Variants in OPCML observed in about 807,000 individuals in gnomAD.
OPCML encodes the protein opioid binding protein/cell adhesion molecule like, also known as opioid-binding protein/cell adhesion molecule.
In OPCML, 13 loss-of-function variants were observed where a neutral mutation model predicts 37.8. The observed-to-expected ratio is 0.34, with a 90% CI of 0.22 to 0.55. The LOEUF (loss-of-function observed/expected upper bound fraction) is 0.55, where lower values mean the gene tolerates loss of function less well. Ranked by LOEUF, OPCML falls within the 20% of genes least tolerant of loss-of-function variation. The probability of loss-of-function intolerance (pLI) is 0.91; values close to 1 mark genes in which losing one functional copy is unlikely to be tolerated. For synonymous variants in OPCML, 176 were observed against 168.8 expected (o/e 1.04, Z -0.33); for missense variants, 341 against 435.6 (o/e 0.78, Z 1.93).
chr11:132,443,207 C>T (rs1050237243), intron 4 of OPCML, among the ~76,000 whole-genome samples: 9 of 152,010 alleles, frequency 5.9e-5, no homozygotes, highest in Non-Finnish European at 1.0e-4. Flanking sequence ...GCTTGTGCCA[C>T]CAAGGAAAAG....
intron 1 of OPCML, among the ~76,000 whole-genome samples, chr11:133,080,813 C>T (rs1000717750): frequency 6.6e-6 from 1 of 152,112 alleles, no homozygotes; most frequent in Non-Finnish European, 1.5e-5. Flanking sequence ...TGTTTGTTCA[C>T]CTCTTCATTC....
At chr11:132,706,114 T>C (rs1361257148) in intron 2 of OPCML, among the ~76,000 whole-genome samples, 3 of 152,108 alleles carry the variant, frequency 2.0e-5, no homozygotes, top group African/African-American at 7.2e-5. Context: ...CCATCATGTA[T>C]TTATTTATAG....
chr11:133,086,541 T>C (rs1351528504), intron 1 of OPCML, among the ~76,000 whole-genome samples: 1 of 152,178 alleles, frequency 6.6e-6, no homozygotes, highest in Non-Finnish European at 1.5e-5. Context: ...ATAAATGAAA[T>C]AGTTGGCAGA....
intron 1 of OPCML, among the ~76,000 whole-genome samples, chr11:133,413,425 A>T (rs2136873073): frequency 1.3e-5 from 2 of 152,100 alleles, no homozygotes; most frequent in African/African-American, 4.8e-5. Context: ...ACATGTATAC[A>T]TATGTAACTA....
chr11:133,144,680 A>G (rs1022857466), intron 1 of OPCML, among the ~76,000 whole-genome samples: 14 of 152,226 alleles, frequency 9.2e-5, no homozygotes, highest in Admixed American at 8.5e-4. Flanking sequence ...TTGTATATCC[A>G]TCCTTATCTT....
intron 1 of OPCML, among the ~76,000 whole-genome samples, chr11:133,334,586 C>A (rs1460503523): frequency 2.0e-5 from 3 of 152,144 alleles, no homozygotes; most frequent in Non-Finnish European, 4.4e-5. Flanking sequence ...TGTACAACAA[C>A]CCCCATGACA....
At position 132,453,660 on chromosome 11, in the gene OPCML, C is replaced by T. The variant is rs557938424; in HGVS notation, c.506-16301G>A. Among the ~76,000 whole-genome samples the T allele has an allele frequency of 1.8e-4, 27 of 152,290 alleles. No homozygotes were observed. The East Asian group carries it at 4.6e-3, about 26-fold the overall frequency. On this transcript the variant is annotated intron_variant, in intron 4 of 7. Coordinates refer to ENST00000524381, the MANE Select transcript of OPCML (RefSeq NM_001012393.5). ...AAAAATGCATGGTGATTAAGCCCCT[C>T]GGCAGGGTTTCGAGGACAGAGCAGA...
chr11:133,308,876 G>A (rs76217829), intron 1 of OPCML, among the ~76,000 whole-genome samples: 1 of 152,132 alleles, frequency 6.6e-6, no homozygotes, highest in Non-Finnish European at 1.5e-5. Context: ...ACTTCAAAGA[G>A]TTCACAATAA....
At chr11:133,203,712 T>C (rs976995171) in intron 1 of OPCML, among the ~76,000 whole-genome samples, 7 of 152,238 alleles carry the variant, frequency 4.6e-5, no homozygotes, top group African/African-American at 1.4e-4. Flanking sequence ...TGTCAGATTA[T>C]GCTAAGACTT....
At chr11:133,171,334 C>T (rs1164696645) in intron 1 of OPCML, among the ~76,000 whole-genome samples, 1 of 152,188 alleles carries the variant, frequency 6.6e-6, no homozygotes, top group African/African-American at 2.4e-5. Flanking sequence ...TCTTATCTTG[C>T]CCTTCCTAAT....
At chr11:132,676,956 T>A (rs568112905) in intron 2 of OPCML, among the ~76,000 whole-genome samples, 19 of 152,034 alleles carry the variant, frequency 1.2e-4, no homozygotes, top group African/African-American at 4.6e-4. Flanking sequence ...AAACTGTCTT[T>A]GTTCACATAT....
intron 3 of OPCML, among the ~76,000 whole-genome samples, chr11:132,639,915 C>A (rs1940747219): frequency 6.6e-6 from 1 of 152,240 alleles, no homozygotes; most frequent in South Asian, 2.1e-4. Context: ...AGCATTTACT[C>A]ACTAGAGGCA....
At chr11:132,814,191 T>G (rs1462211105) in intron 2 of OPCML, among the ~76,000 whole-genome samples, 2 of 152,338 alleles carry the variant, frequency 1.3e-5, no homozygotes, top group Non-Finnish European at 2.9e-5. Context: ...TACGAGGAAC[T>G]GGAGAGTGAT....
In OPCML at chr11:133,003,504, G is replaced by A. The variant is rs550533790; in HGVS notation, c.62-60494C>T. Among the ~76,000 whole-genome samples the A allele has an allele frequency of 4.6e-5, 7 of 152,232 alleles. No individual in the cohort carries two copies. In the East Asian group the frequency reaches 9.7e-4, roughly 21 times the overall value. Reference sequence around the variant, plus strand: ...ATTTAGGGCCCACTCAGATAATCCAGGATGATCTCCCCATTTCAAGATCCT... The same window carrying A: ...ATTTAGGGCCCACTCAGATAATCCAAGATGATCTCCCCATTTCAAGATCCT... On this transcript the variant is annotated intron_variant, in intron 1 of 7. Coordinates refer to ENST00000524381, the MANE Select transcript of OPCML (RefSeq NM_001012393.5).
intron 3 of OPCML, among the ~76,000 whole-genome samples, chr11:132,626,841 TCTC>T (rs1939775833): frequency 1.4e-5 from 2 of 146,820 alleles, no homozygotes; most frequent in African/African-American, 5.0e-5. Flanking sequence ...TCTCTCTCTC[TCTC>T]TCTTTCTGTG....
chr11:132,713,098 T>C (rs960312545), intron 2 of OPCML, among the ~76,000 whole-genome samples: 1 of 152,188 alleles, frequency 6.6e-6, no homozygotes, highest in African/African-American at 2.4e-5. Context: ...CTGAAAGAGC[T>C]TGGGAGCTCC....
chr11:132,880,287 A>G (rs1591747056), intron 2 of OPCML, among the ~76,000 whole-genome samples: 1 of 152,156 alleles, frequency 6.6e-6, no homozygotes, highest in East Asian at 1.9e-4. Context: ...ACAAACCACC[A>G]CGGCTCTCTT....
intron 2 of OPCML, among the ~76,000 whole-genome samples, chr11:132,752,799 T>C (rs972548484): frequency 1.4e-4 from 22 of 152,074 alleles, no homozygotes; most frequent in Admixed American, 7.2e-4. Context: ...GATAGATAGA[T>C]GATATATAAA....
In OPCML at chr11:133,287,778, C is replaced by A. The variant is rs567424958; in HGVS notation, c.61+244486G>T. On this transcript the variant is annotated intron_variant, in intron 1 of 7. Coordinates refer to ENST00000524381, the MANE Select transcript of OPCML (RefSeq NM_001012393.5). ...CAGTGTGAGACTCAAGCAGGGCTGGCCATTCAAAGAGCTGTCCAGGTACCA... is the reference window on the plus strand; with the variant it reads ...CAGTGTGAGACTCAAGCAGGGCTGGACATTCAAAGAGCTGTCCAGGTACCA... Among the ~76,000 whole-genome samples, 476 of 152,146 alleles carry A rather than the reference C, an allele frequency of 3.1e-3. 4 individuals are homozygous for A. Among genetic ancestry groups the A allele is most frequent in the Non-Finnish European group, 4.3e-3 (290 of 67,980 alleles).
Sources: gnomAD v4.1 joint callset for allele counts (sites outside exome capture counted in the v4.1 genomes callset) on GRCh38, gnomAD v4.1.1 for gene constraint, MANE v1.5 for transcripts, NCBI Gene and HGNC (gene_info 2026-07-23, HGNC 2026-07-21) for gene names.